SLC39A8: variants seen among roughly 807,000 people sequenced by gnomAD.
SLC39A8 encodes the protein metal cation symporter ZIP8.
In SLC39A8, 15 loss-of-function variants were observed where a neutral mutation model predicts 40.4. The ratio of observed to expected loss-of-function variants is 0.37; its 90% CI spans 0.25 to 0.57. The LOEUF is 0.57. SLC39A8 is among the 20% of genes least tolerant of loss of function. SLC39A8 has a pLI of 0.75. For missense variants in SLC39A8, 472 were observed against 558.8 expected (o/e 0.84, Z 1.57); for synonymous variants, 223 against 221.6 (o/e 1.01, Z -0.06).
intron 3 of SLC39A8, among the ~76,000 whole-genome samples, chr4:102,314,406 C>A (rs1444798840): frequency 6.6e-6 from 1 of 152,060 alleles, no homozygotes; most frequent in Non-Finnish European, 1.5e-5. Context: ...AATGAGATCA[C>A]AGCATTCCCC....
intron 6 of SLC39A8, among the ~76,000 whole-genome samples, chr4:102,268,747 G>A (rs1732219510): frequency 6.6e-6 from 1 of 152,158 alleles, no homozygotes; most frequent in Non-Finnish European, 1.5e-5. Context: ...AAGTGTAAAT[G>A]GAACAGGCTA....
chr4:102,319,694 C>T (rs993306036), intron 2 of SLC39A8, among the ~76,000 whole-genome samples: 9 of 152,086 alleles, frequency 5.9e-5, no homozygotes, highest in African/African-American at 2.2e-4. Flanking sequence ...GGAGTTGAGC[C>T]AAGTTCCATA....
chr4:102,343,205 G>A (rs1194173848), intron 2 of SLC39A8, among the ~76,000 whole-genome samples: 3 of 152,116 alleles, frequency 2.0e-5, no homozygotes, highest in Non-Finnish European at 2.9e-5. Context: ...GACCACCTCT[G>A]ACATGCCATG....
chr4:102,343,649 G>A (rs1376332849), intron 2 of SLC39A8, among the ~76,000 whole-genome samples: 1 of 152,074 alleles, frequency 6.6e-6, no homozygotes, highest in African/African-American at 2.4e-5. Flanking sequence ...CAATCACAGA[G>A]TATTTATTAT....
intron 6 of SLC39A8, among the ~76,000 whole-genome samples, chr4:102,295,700 G>A (rs530784840): frequency 4.5e-4 from 69 of 152,100 alleles, no homozygotes; most frequent in Admixed American, 1.4e-3. Context: ...CTGGCCCAAT[G>A]TTTGTTTTAT....
intron 3 of SLC39A8, among the ~76,000 whole-genome samples, chr4:102,315,182 T>C (rs186573284): frequency 1.3e-5 from 2 of 152,270 alleles, no homozygotes; most frequent in Admixed American, 6.5e-5. Context: ...TCACTTAAAA[T>C]AGTCTCTGGT....
intron 2 of SLC39A8, among the ~76,000 whole-genome samples, chr4:102,335,687 T>C (rs72926729): frequency 0.014 from 2,164 of 152,304 alleles, 47 homozygotes; most frequent in African/African-American, 0.049. Context: ...TCAATGCACA[T>C]TGAAGTACTC....
intron 2 of SLC39A8, among the ~76,000 whole-genome samples, chr4:102,338,971 G>A (rs1735794261): frequency 6.6e-6 from 1 of 152,066 alleles, no homozygotes; most frequent in African/African-American, 2.4e-5. Flanking sequence ...TAGAATAGTG[G>A]GTAAAGATGT....
chr4:102,260,260 G>A (rs564155826), downstream of SLC39A8, among the ~76,000 whole-genome samples: 77 of 152,246 alleles, frequency 5.1e-4, no homozygotes, highest in South Asian at 5.0e-3. Flanking sequence ...TGAGACAGCC[G>A]ATATCCAGTC....
At chr4:102,268,545 A>G (rs1732209949) in intron 6 of SLC39A8, among the ~76,000 whole-genome samples, 1 of 152,236 alleles carries the variant, frequency 6.6e-6, no homozygotes, top group African/African-American at 2.4e-5. Context: ...CTATGCCACC[A>G]TGTGACAGGG....
intron 2 of SLC39A8, among the ~76,000 whole-genome samples, chr4:102,317,733 C>T (rs1165809342): frequency 6.6e-6 from 1 of 152,142 alleles, no homozygotes; most frequent in Non-Finnish European, 1.5e-5. Context: ...ACTTACCCTA[C>T]TTGGACTTTA....
At chr4:102,293,295 C>T (rs1733530823) in intron 6 of SLC39A8, among the ~76,000 whole-genome samples, 2 of 151,872 alleles carry the variant, frequency 1.3e-5, no homozygotes, top group Non-Finnish European at 2.9e-5. Context: ...AAGAAAGCAA[C>T]CTACTGAGCT....
chr4:102,324,298 G>A (rs1384448266), intron 2 of SLC39A8: 6 of 300,940 alleles, frequency 2.0e-5, no homozygotes, highest in Middle Eastern at 1.1e-3. Context: ...GGAAGGCTGA[G>A]GCAGGAGAAT....
At position 102,263,160 on chromosome 4, in the gene SLC39A8, C is replaced by T; in HGVS notation, c.1267G>A (p.Val423Ile). 6.2e-7 allele frequency: 1 copy of T among 1,613,698 alleles called. No individual in the cohort carries two copies. Among genetic ancestry groups the T allele is most frequent in the Non-Finnish European group, 8.5e-7 (1 of 1,179,708 alleles). ...PEMNDMLREK[V>I]TGRKTDFTFF... ...GTGAAATCGGTTTTTCTTCCAGTTA[C>T]CTTTTCTCTCAGCATATCATTCATC... Residue 423 changes from valine to isoleucine, a missense_variant, in exon 9 of 9, where the codon GTA becomes ATA. Val to Ile is a conservative substitution (Grantham distance 29). Coordinates refer to ENST00000356736, the MANE Select transcript of SLC39A8 (RefSeq NM_001135146.2).
chr4:102,287,173 T>C (rs566403460), intron 6 of SLC39A8, among the ~76,000 whole-genome samples: 46 of 152,258 alleles, frequency 3.0e-4, no homozygotes, highest in Admixed American at 2.5e-3. Flanking sequence ...CAAGTATTTC[T>C]CTATATCAGA....
In SLC39A8 at chr4:102,338,326, A is replaced by G. The variant is rs192176074; in HGVS notation, c.219+6118T>C. On this transcript the variant is annotated intron_variant, in intron 2 of 8. Coordinates refer to ENST00000356736, the MANE Select transcript of SLC39A8 (RefSeq NM_001135146.2). ...CTCAGCCTCCTGAGTAGCTGGGACT[A>G]CAGGCACCCACCACTACTCCCGGCT... Among the ~76,000 whole-genome samples, 967 of 151,740 alleles carry G rather than the reference A, an allele frequency of 6.4e-3. 10 individuals are homozygous for G. Among genetic ancestry groups the G allele is most frequent in the African/African-American group, 0.022 (920 of 41,340 alleles).
Position 102,344,615 on chromosome 4 carries a change from G to C in SLC39A8, c.48C>G (p.Ala16=). 6.5e-7 allele frequency: 1 copy of C among 1,539,842 alleles called. No homozygotes were observed. Among genetic ancestry groups the C allele is most frequent in the Non-Finnish European group, 8.7e-7 (1 of 1,143,288 alleles). ...GCCCCTCCGCCACTCCTCCGAGGCC[G>C]GCGGCCGCCAGCAACAGGAGCCCGG... The part of the protein sequence containing the change: ...AVAGLLLLAA[A]GLGGVAEGPG... The change falls in exon 2 of 9, where the codon GCC becomes GCG. Residue 16 remains alanine, a synonymous_variant. Transcript: ENST00000356736.
At chr4:102,301,581 G>A (rs1401576009) in intron 6 of SLC39A8, among the ~76,000 whole-genome samples, 1 of 151,976 alleles carries the variant, frequency 6.6e-6, no homozygotes, top group African/African-American at 2.4e-5. Flanking sequence ...CAGTGCCTAG[G>A]ACAATGAACA....
In SLC39A8 at chr4:102,267,667, A is replaced by G; in HGVS notation, c.1056T>C (p.Phe352=). The G allele has an allele frequency of 6.3e-7, 1 of 1,582,424 alleles. No homozygotes were observed. The highest frequency in any genetic ancestry group is 8.5e-7 in the Non-Finnish European group (1 of 1,169,646). ...CEEFPHELGD[F]VILLNAGMST... ...TCATCCCTGCATTGAGTAGGATCAC[A>G]AAGTCTCCTAGAAGAAGAAGAAGAA... is the stretch of plus-strand genomic sequence containing the variant. Residue 352 remains phenylalanine (F), a synonymous_variant, in exon 8 of 9, where the codon TTT becomes TTC. Coordinates refer to ENST00000356736, the MANE Select transcript of SLC39A8 (RefSeq NM_001135146.2).
Sources: allele counts gnomAD v4.1 joint callset (sites outside exome capture counted in the v4.1 genomes callset), GRCh38; gene constraint gnomAD v4.1.1; transcripts MANE v1.5; gene names NCBI Gene and HGNC (gene_info 2026-07-23, HGNC 2026-07-21).